TMPRSS4: variants seen among roughly 807,000 people sequenced by gnomAD.
TMPRSS4 encodes transmembrane serine protease 4.
A neutral mutation model predicts 56.4 loss-of-function variants in TMPRSS4; 45 were observed. That is an observed-to-expected ratio of 0.80 (90% confidence interval 0.63 to 1.02). TMPRSS4 has a LOEUF of 1.02. TMPRSS4 is among the 50% of genes least tolerant of loss of function. The probability of loss-of-function intolerance (pLI) is 0.00; values close to 1 mark genes in which losing one functional copy is unlikely to be tolerated. For missense variants in TMPRSS4, 546 were observed against 556.7 expected, an observed-to-expected ratio of 0.98 and a Z score of 0.19; for synonymous variants, 205 against 211.0, an observed-to-expected ratio of 0.97 and a Z score of 0.25.
rs144368038 is a variant in TMPRSS4 at position 118,113,304 on chromosome 11, C to T, written c.779C>T (p.Ala260Val). 1.7e-4 allele frequency: 267 copies of T among 1,614,100 alleles called. 1 individual carries two copies. In the African/African-American group the frequency reaches 3.0e-3, roughly 18 times the overall value. ...GATGTGTTCAACTGGAAGGTGCGGG[C>T]AGGCTCAGACAAACTGGGCAGCTTC... ...HTDVFNWKVR[A>V]GSDKLGSFPS... is the part of the protein sequence containing the mutation. The change falls in exon 9 of 13, where the codon GCA (alanine) becomes GTA (valine). Residue 260 changes from alanine (A) to valine (V), a missense_variant. Physicochemically the swap from Ala to Val is moderately conservative, Grantham distance 64 (BLOSUM62 0). Transcript: ENST00000437212.
At chr11:118,101,971 T>C (rs1946741810) in intron 3 of TMPRSS4, among the ~76,000 whole-genome samples, 1 of 152,116 alleles carries the variant, frequency 6.6e-6, no homozygotes, top group Non-Finnish European at 1.5e-5. Flanking sequence ...TTTTAGTTCT[T>C]TTTACTTATA....
Position 118,109,126 on chromosome 11 carries a change from A to G in TMPRSS4, c.583+230A>G, listed in dbSNP as rs148843598. Among the ~76,000 whole-genome samples the G allele has an allele frequency of 4.5e-3, 692 of 152,200 alleles. 6 individuals are homozygous for G. The highest frequency in any genetic ancestry group is 0.015 in the African/African-American group (640 of 41,506). ...AGTTTCCCCCTTCTACCATCTGTGC[A>G]TGGCTCCATGACCTAAGTGGAGACC... On this transcript the variant is annotated intron_variant, in intron 7 of 12. Transcript: ENST00000437212.
chr11:118,088,414 A>G (rs769403534), intron 1 of TMPRSS4: 2 of 152,202 alleles, frequency 1.3e-5, no homozygotes, highest in Non-Finnish European at 2.9e-5. Context: ...TGACAAACCG[A>G]GAAGCAGGAA....
At position 118,115,220 on chromosome 11, in the gene TMPRSS4, G is replaced by C. The variant is rs1947483610; in HGVS notation, c.1092G>C (p.Gly364=). 1.9e-6 allele frequency: 3 copies of C among 1,612,876 alleles called. No individual in the cohort carries two copies. Among genetic ancestry groups the C allele is most frequent in the Non-Finnish European group, 2.5e-6 (3 of 1,179,910 alleles). ...GCAATGCAGACGATGCGTACCAGGG[G>C]GAAGTCACCGAGAAGATGATGTGTG... The part of the protein sequence containing the change: ...TRCNADDAYQ[G]EVTEKMMCAG... The change falls in exon 11 of 13, where the codon GGG becomes GGC. Residue 364 remains glycine (G), a synonymous_variant. Transcript: ENST00000437212.
In TMPRSS4 at chr11:118,107,875, G is replaced by A. The variant is rs1315037375; in HGVS notation, c.542G>A (p.Gly181Glu). ...SQELRMRNSS[G>E]PCLSGSLVSL... is the part of the protein sequence containing the mutation. ...GAGCTTCGCATGCGGAACTCAAGTGGGTAAGTGAGGGGACACCTTCTGGCC... is the reference window on the plus strand; with the variant it reads ...GAGCTTCGCATGCGGAACTCAAGTGAGTAAGTGAGGGGACACCTTCTGGCC... Residue 181 changes from glycine (G) to glutamate (E), a missense_variant and splice_region_variant, in exon 6 of 13, where the codon GGG becomes GAG. Gly to Glu is a moderately conservative substitution (Grantham distance 98). Coordinates refer to ENST00000437212, the MANE Select transcript of TMPRSS4 (RefSeq NM_019894.4). The A allele has an allele frequency of 6.2e-7, 1 of 1,613,236 alleles. No homozygotes were observed. Among genetic ancestry groups the A allele is most frequent in the Non-Finnish European group, 8.5e-7 (1 of 1,179,692 alleles).
chr11:118,104,865 C>T, intron 5 of TMPRSS4, 45 bp downstream of exon 5: 1 of 1,501,402 alleles, frequency 6.7e-7, no homozygotes. Context: ...TTCCTCCTTC[C>T]TCCTCTTCCT....
In TMPRSS4 at chr11:118,111,830, G is replaced by A. The variant is rs781599975; in HGVS notation, c.673G>A (p.Asp225Asn). The change falls in exon 8 of 13, where the codon GAC (aspartate) becomes AAC (asparagine). Residue 225 changes from aspartate to asparagine, a missense_variant. By Grantham distance (23) the Asp-to-Asn change is conservative. Transcript: ENST00000437212. ...SWPWQVSIQY[D>N]KQHVCGGSIL... is the part of the protein sequence containing the mutation. ...GCCTTGGCAGGTCAGCATCCAGTAC[G>A]ACAAACAGCACGTCTGTGGAGGGAG... 20 of 1,607,088 alleles carry A rather than the reference G, an allele frequency of 1.2e-5. No individual in the cohort carries two copies. In the East Asian group the frequency reaches 1.6e-4, roughly 13 times the overall value.
Position 118,113,375 on chromosome 11 carries a change from A to G in TMPRSS4, c.850A>G (p.Met284Val). 3 of 1,614,040 alleles carry G rather than the reference A, an allele frequency of 1.9e-6. No individual in the cohort carries two copies. Among genetic ancestry groups the G allele is most frequent in the Non-Finnish European group, 2.5e-6 (3 of 1,179,994 alleles). ...GATCATCATCATTGAATTCAACCCC[A>G]TGTACCCCAAAGACAATGACATCGC... ...AKIIIIEFNP[M>V]YPKDNDIALM... Residue 284 changes from methionine (M) to valine (V), a missense_variant, in exon 9 of 13, where the codon ATG (methionine) becomes GTG (valine). Physicochemically the swap from Met to Val is conservative, Grantham distance 21. Transcript: ENST00000437212.
chr11:118,086,554 C>T (rs1945569497), intron 1 of TMPRSS4, among the ~76,000 whole-genome samples: 1 of 152,236 alleles, frequency 6.6e-6, no homozygotes, highest in Non-Finnish European at 1.5e-5. Flanking sequence ...GGCATATGGC[C>T]TGGGCTGGTG....
At chr11:118,108,256 C>G in intron 6 of TMPRSS4, 1 of 187,122 alleles carries the variant, frequency 5.3e-6, no homozygotes, top group Non-Finnish European at 1.1e-5. Flanking sequence ...CTTACCCAGC[C>G]AGAGCTCCCC....
At chr11:118,124,916 T>C (rs950256566), downstream of TMPRSS4, among the ~76,000 whole-genome samples, 2 of 152,230 alleles carry the variant, frequency 1.3e-5, no homozygotes, top group African/African-American at 4.8e-5. Context: ...TCTTCCCGCC[T>C]CTAGGCTTTA....
Position 118,118,116 on chromosome 11 carries a change from C to G in TMPRSS4, c.*203C>G, listed in dbSNP as rs1343793142. 1 of 1,429,220 alleles carries G rather than the reference C, an allele frequency of 7.0e-7. No individual in the cohort carries two copies. The highest frequency in any genetic ancestry group is 9.1e-7 in the Non-Finnish European group (1 of 1,096,704). The allele number at this position is 1,429,220 out of a possible 1,614,324, so 88.5% of individuals were successfully genotyped here. A position where few individuals can be genotyped will look rare whatever the true frequency, so the allele number is the denominator to read the frequency against. On this transcript the variant is annotated 3_prime_UTR_variant, in exon 13 of 13. Coordinates refer to ENST00000437212, the MANE Select transcript of TMPRSS4 (RefSeq NM_019894.4). Reference sequence around the variant, plus strand: ...AGGCGCCCAGAGGAAGTCAGCAGCCCTAGCTCGGCCACACTTGGTGCTCCC... The same window carrying G: ...AGGCGCCCAGAGGAAGTCAGCAGCCGTAGCTCGGCCACACTTGGTGCTCCC...
intron 5 of TMPRSS4, chr11:118,106,158 G>C (rs1419930144): frequency 1.3e-5 from 2 of 152,182 alleles, no homozygotes; most frequent in Admixed American, 6.5e-5. Context: ...GGCACAGCAG[G>C]CTGAGCCTTG....
intron 6 of TMPRSS4, chr11:118,108,525 CA>C (rs1947112693): frequency 1.3e-5 from 4 of 314,778 alleles, no homozygotes; most frequent in Non-Finnish European, 2.3e-5. Context: ...CCCATTCTTC[CA>C]TTTGGAAAGC....
In TMPRSS4 at chr11:118,119,265, A is replaced by C; in HGVS notation, c.*1352A>C. ...ATATGAAGGCTGGCAGTGGAGCTAA[A>C]CCTGGACACACTGAAGACAAGGGAG... On this transcript the variant is annotated 3_prime_UTR_variant, in exon 13 of 13. Transcript: ENST00000437212. 8.1e-6 allele frequency: 8 copies of C among 985,390 alleles called. No individual in the cohort carries two copies. Among genetic ancestry groups the C allele is most frequent in the Non-Finnish European group, 9.6e-6 (8 of 829,918 alleles). 61.0% of individuals were successfully genotyped at this position (985,390 alleles called of 1,614,324 possible). A position where few individuals can be genotyped will look rare whatever the true frequency, so the allele number is the denominator to read the frequency against.
Position 118,108,908 on chromosome 11 carries a change from C to T in TMPRSS4, c.583+12C>T. The T allele has an allele frequency of 6.2e-7, 1 of 1,613,766 alleles. No homozygotes were observed. Among genetic ancestry groups the T allele is most frequent in the African/African-American group, 1.3e-5 (1 of 75,022 alleles). ...CCTGCACTGTCTTGGTGAGTACCCCCAATCTCTGAGGGTTTGGGGCCTGGG... is the reference window on the plus strand; with the variant it reads ...CCTGCACTGTCTTGGTGAGTACCCCTAATCTCTGAGGGTTTGGGGCCTGGG... On this transcript the variant is annotated intron_variant, in intron 7 of 12. Transcript: ENST00000437212.
Position 118,118,244 on chromosome 11 carries a change from T to C in TMPRSS4, c.*331T>C, listed in dbSNP as rs542061841. On this transcript the variant is annotated 3_prime_UTR_variant, in exon 13 of 13. Transcript: ENST00000437212. ...TACTGAATGGAAGCAGGCTGTCTTG[T>C]AAAAGCCCAGATCACTGTGGGCTGG... 4 of 1,247,742 alleles carry C rather than the reference T, an allele frequency of 3.2e-6. No homozygotes were observed. The highest frequency in any genetic ancestry group is 2.4e-5 in the South Asian group (1 of 41,194). 77.3% of individuals were successfully genotyped at this position (1,247,742 alleles called of 1,614,324 possible). A position where few individuals can be genotyped will look rare whatever the true frequency, so the allele number is the denominator to read the frequency against.
chr11:118,094,358 T>C (rs1051466482), intron 1 of TMPRSS4, among the ~76,000 whole-genome samples: 2 of 152,242 alleles, frequency 1.3e-5, no homozygotes, highest in Non-Finnish European at 2.9e-5. Context: ...AGAAATTTTA[T>C]TGTGGTTTGA....
chr11:118,080,806 G>C (rs608365), intron 1 of TMPRSS4, among the ~76,000 whole-genome samples: 22,872 of 152,080 alleles, frequency 0.15, 1,890 homozygotes, highest in East Asian at 0.3. Flanking sequence ...ATGCTTTCAG[G>C]CCTGAAAATC....
Sources: gnomAD v4.1 joint callset for allele counts (sites outside exome capture counted in the v4.1 genomes callset) on GRCh38, gnomAD v4.1.1 for gene constraint, MANE v1.5 for transcripts, NCBI Gene and HGNC (gene_info 2026-07-23, HGNC 2026-07-21) for gene names.